Variants in TM9SF3 observed in about 807,000 individuals in gnomAD.
TM9SF3 encodes the protein SM-11044-binding protein.
TM9SF3 carries 14 observed loss-of-function variants against 78.6 expected under a neutral mutation model. That is an observed-to-expected ratio of 0.18 (90% CI 0.12 to 0.28). The LOEUF is 0.28. Among genes scored for constraint, TM9SF3 ranks in the 10% least tolerant of loss-of-function variants. TM9SF3 has a pLI of 1.00. For synonymous variants in TM9SF3, 231 were observed against 241.7 expected, an observed-to-expected ratio of 0.96 and a Z score of 0.41; for missense variants, 496 against 721.9, an observed-to-expected ratio of 0.69 and a Z score of 3.59.
rs115373184 is a variant in TM9SF3 at position 96,553,096 on chromosome 10, A to G, written c.661-37T>C. The G allele has an allele frequency of 2.4e-4, 375 of 1,545,968 alleles. 2 individuals are homozygous for G. The African/African-American group carries it at 3.7e-3, about 15-fold the overall frequency. On this transcript the variant is annotated intron_variant, in intron 5 of 14. Transcript: ENST00000371142. ...GAAAATAAAATGTTACCAACCTGCA[A>G]TATCAGCCACAAAATTCATAGGTTC... is the stretch of plus-strand genomic sequence containing the variant.
chr10:96,583,431 T>C (rs1439930219), intron 1 of TM9SF3, among the ~76,000 whole-genome samples: 1 of 152,242 alleles, frequency 6.6e-6, no homozygotes, highest in Non-Finnish European at 1.5e-5. Flanking sequence ...CAACTCATCA[T>C]GGAGCCACAC....
Position 96,586,805 on chromosome 10 carries a change from C to A in TM9SF3, c.31G>T (p.Ala11Ser). 7.8e-7 allele frequency: 1 copy of A among 1,274,848 alleles called. No homozygotes were observed. Among genetic ancestry groups the A allele is most frequent in the Non-Finnish European group, 9.9e-7 (1 of 1,009,398 alleles). The allele number at this position is 1,274,848 out of a possible 1,614,324, so 79.0% of individuals were successfully genotyped here. Residue 11 changes from alanine to serine, a missense_variant, in exon 1 of 15, where the codon GCG (alanine) becomes TCG (serine). By Grantham distance (99) the Ala-to-Ser change is moderately conservative (BLOSUM62 1). Around this residue, in one of 4 missense-constraint regions of TM9SF3, gnomAD observed 58 missense variants for 32.9 expected, o/e 1.76. Coordinates refer to ENST00000371142, the MANE Select transcript of TM9SF3 (RefSeq NM_020123.4). MRPLPGALGVAAAAALWLLLL... is the reference protein window; with the variant it reads MRPLPGALGVSAAAALWLLLL... ...AGCAGCCACAGCGCGGCGGCCGCCG[C>A]CACGCCAAGAGCGCCAGGCAGCGGC...
rs764436254 is a variant in TM9SF3, at chr10:96,530,500, A to G, written c.1394+40T>C. 3.1e-5 allele frequency: 48 copies of G among 1,536,532 alleles called. No individual in the cohort carries two copies. The South Asian group carries it at 5.4e-4, about 17-fold the overall frequency. Reference sequence around the variant, plus strand: ...CTAACTCCTAAATTGTCTTACTATAATCAAATCCCTCAAAACATAAATACA... The same window carrying G: ...CTAACTCCTAAATTGTCTTACTATAGTCAAATCCCTCAAAACATAAATACA... On this transcript the variant is annotated intron_variant, in intron 11 of 14. Transcript: ENST00000371142.
At chr10:96,570,599 T>C (rs1848427830) in intron 2 of TM9SF3, among the ~76,000 whole-genome samples, 1 of 152,228 alleles carries the variant, frequency 6.6e-6, no homozygotes, top group African/African-American at 2.4e-5. Context: ...CAACATATTG[T>C]ACCAAGTTCC....
At chr10:96,564,128 CAAA>C (rs11379304) in intron 3 of TM9SF3, among the ~76,000 whole-genome samples, 3 of 129,296 alleles carry the variant, frequency 2.3e-5, no homozygotes, top group Non-Finnish European at 3.4e-5. Context: ...ACAAACACAC[CAAA>C]AAAAAAAAAA....
At chr10:96,561,483 C>T (rs1848308399) in intron 4 of TM9SF3, among the ~76,000 whole-genome samples, 1 of 152,116 alleles carries the variant, frequency 6.6e-6, no homozygotes, top group Non-Finnish European at 1.5e-5. Flanking sequence ...TATTTTTAAG[C>T]CTAAGACAAC....
intron 9 of TM9SF3, among the ~76,000 whole-genome samples, chr10:96,537,866 T>C (rs1020520097): frequency 3.3e-5 from 5 of 152,166 alleles, no homozygotes; most frequent in African/African-American, 1.2e-4. Context: ...CTAAAATCTA[T>C]GAAACGTTGC....
chr10:96,547,767 CAGA>C (rs1848119622), intron 8 of TM9SF3, 125 bp downstream of exon 8: 1 of 716,542 alleles, frequency 1.4e-6, no homozygotes, highest in South Asian at 1.9e-5. Context: ...CTGCAGTGAG[CAGA>C]GATTGCACCA....
chr10:96,541,038 A>G (rs185671972), intron 9 of TM9SF3, among the ~76,000 whole-genome samples: 1,961 of 151,994 alleles, frequency 0.013, 31 homozygotes, highest in Non-Finnish European at 0.016. Context: ...TGCTGGGATT[A>G]CAGGCAGGAG....
rs1010879830 is a variant in TM9SF3 at position 96,549,456 on chromosome 10, G to A, written c.960-1467C>T. ...CACTAACACTCTTTACTAGTAAAGG[G>A]TGCTCATTGATCTCAGTCAGATTAT... is the stretch of plus-strand genomic sequence containing the variant. On this transcript the variant is annotated intron_variant, in intron 7 of 14. Coordinates refer to ENST00000371142, the MANE Select transcript of TM9SF3 (RefSeq NM_020123.4). 2.6e-5 allele frequency among the ~76,000 whole-genome samples: 4 copies of A among 152,120 alleles called. No individual in the cohort carries two copies. In the East Asian group the frequency reaches 7.7e-4, roughly 29 times the overall value.
chr10:96,523,309 C>T (rs534572508), intron 14 of TM9SF3, among the ~76,000 whole-genome samples: 1 of 151,890 alleles, frequency 6.6e-6, no homozygotes, highest in East Asian at 1.9e-4. Flanking sequence ...AGTGCACACA[C>T]AAATGCCTAG....
rs1848071429 is a variant in TM9SF3 at position 96,544,219 on chromosome 10, G to A, written c.1055-13C>T. The A allele has an allele frequency of 6.4e-7, 1 of 1,556,668 alleles. No individual in the cohort carries two copies. Among genetic ancestry groups the A allele is most frequent in the Non-Finnish European group, 8.6e-7 (1 of 1,158,428 alleles). On this transcript the variant is annotated splice_polypyrimidine_tract_variant and intron_variant, in intron 8 of 14. Coordinates refer to ENST00000371142, the MANE Select transcript of TM9SF3 (RefSeq NM_020123.4). Reference sequence around the variant, plus strand: ...ATCCATCTCCTTCCTGAAAAGAAAGGAAACTATGAAAGTTTAATATAATTA... The same window carrying A: ...ATCCATCTCCTTCCTGAAAAGAAAGAAAACTATGAAAGTTTAATATAATTA...
intron 5 of TM9SF3, among the ~76,000 whole-genome samples, chr10:96,555,355 A>G (rs556853361): frequency 1.3e-5 from 2 of 151,842 alleles, no homozygotes; most frequent in Admixed American, 6.6e-5. Flanking sequence ...ATCTACTTCT[A>G]CTCCCCTTAG....
chr10:96,549,990 A>G lies in TM9SF3; in HGVS notation c.959+1255T>C, dbSNP rs1180636209. Among the ~76,000 whole-genome samples, 3 of 152,194 alleles carry G rather than the reference A, an allele frequency of 2.0e-5. No individual in the cohort carries two copies. The East Asian group carries it at 5.8e-4, about 29-fold the overall frequency. On this transcript the variant is annotated intron_variant, in intron 7 of 14. Transcript: ENST00000371142. ...CTTAATCCAGTGTTTAATGTAAAGC[A>G]CAACTTCTTGGTAGATGTGAAATGT...
At position 96,557,223 on chromosome 10, in the gene TM9SF3, A is replaced by G. The variant is rs185868505; in HGVS notation, c.660+2436T>C. Among the ~76,000 whole-genome samples, 43 of 152,254 alleles carry G rather than the reference A, an allele frequency of 2.8e-4. 2 individuals are homozygous for G. The East Asian group carries it at 8.1e-3, about 29-fold the overall frequency. On this transcript the variant is annotated intron_variant, in intron 5 of 14. Coordinates refer to ENST00000371142, the MANE Select transcript of TM9SF3 (RefSeq NM_020123.4). ...ACTGATATATCCAATTTGCCGGTCA[A>G]TATCTCCATTTGGATATCGTACAGA... is the stretch of plus-strand genomic sequence containing the variant.
intron 1 of TM9SF3, among the ~76,000 whole-genome samples, chr10:96,583,003 C>G (rs900352895): frequency 6.6e-6 from 1 of 151,088 alleles, no homozygotes; most frequent in African/African-American, 2.4e-5. Flanking sequence ...TCGTTTGAAC[C>G]CGGGAGGCGG....
At chr10:96,567,754 T>C (rs1030888567) in intron 2 of TM9SF3, among the ~76,000 whole-genome samples, 4 of 152,220 alleles carry the variant, frequency 2.6e-5, no homozygotes, top group Non-Finnish European at 4.4e-5. Flanking sequence ...ACTGATTATA[T>C]CCTTTTTATC....
intron 1 of TM9SF3, among the ~76,000 whole-genome samples, chr10:96,585,659 C>T (rs934585580): frequency 6.6e-6 from 1 of 152,222 alleles, no homozygotes; most frequent in Non-Finnish European, 1.5e-5. Flanking sequence ...CAAATAAAAT[C>T]GGATCCATTA....
Position 96,520,348 on chromosome 10 carries a change from C to T in TM9SF3, c.*1915G>A, listed in dbSNP as rs1847749195. On this transcript the variant is annotated 3_prime_UTR_variant, in exon 15 of 15. Transcript: ENST00000371142. ...AGAGGATTTACCTACAGCTTCTGAT[C>T]AAATTTGTTGGATCATATCAATCAT... 1 of 151,446 alleles carries T rather than the reference C, an allele frequency of 6.6e-6. No individual in the cohort carries two copies. Among genetic ancestry groups the T allele is most frequent in the Non-Finnish European group, 1.5e-5 (1 of 67,762 alleles). The allele number at this position is 151,446 out of a possible 1,614,324, so 9.4% of individuals were successfully genotyped here.
Sources: allele counts gnomAD v4.1 joint callset (sites outside exome capture counted in the v4.1 genomes callset), GRCh38; gene constraint gnomAD v4.1.1; regional missense constraint gnomAD v4.1.1; transcripts MANE v1.5; gene names NCBI Gene and HGNC (gene_info 2026-07-23, HGNC 2026-07-21).